Variants in PLAAT3 observed in about 807,000 individuals in gnomAD.
PLAAT3 encodes Ca-independent phospholipase A1/2.
PLAAT3 carries 21 observed loss-of-function variants against 16.7 expected under a neutral mutation model. The observed-to-expected ratio is 1.26, with a 90% CI of 0.89 to 1.81. The LOEUF (loss-of-function observed/expected upper bound fraction) is 1.81, where lower values mean the gene tolerates loss of function less well. Among genes scored for constraint, PLAAT3 ranks in the 40% most tolerant of loss-of-function variants. The pLI is 0.00. For missense variants in PLAAT3, 219 were observed against 213.7 expected (o/e 1.02, Z -0.16); for synonymous variants, 76 against 81.7 (o/e 0.93, Z 0.38).
At chr11:63,576,766 C>G (rs1217563323) in intron 4 of PLAAT3, among the ~76,000 whole-genome samples, 1 of 152,106 alleles carries the variant, frequency 6.6e-6, no homozygotes, top group African/African-American at 2.4e-5. Context: ...CTTTCCTAAC[C>G]TATGAAGTTG....
intron 4 of PLAAT3, among the ~76,000 whole-genome samples, chr11:63,588,079 A>AT (rs1299647387): frequency 6.6e-6 from 1 of 151,106 alleles, no homozygotes; most frequent in Non-Finnish European, 1.5e-5. Context: ...AATAAAAAAA[A>AT]TTTTTTTTGA....
intron 3 of PLAAT3, among the ~76,000 whole-genome samples, chr11:63,590,908 G>A (rs558798414): frequency 1.3e-5 from 2 of 152,320 alleles, no homozygotes; most frequent in East Asian, 3.9e-4. Flanking sequence ...AAGGCCCAGG[G>A]CAAGGAAGGG....
rs1278674229 is a variant in PLAAT3, at chr11:63,607,508, T to TAAC, written c.15+6491_15+6492insGTT. Among the ~76,000 whole-genome samples the TAAC allele has an allele frequency of 6.6e-5, 10 of 151,302 alleles. No homozygotes were observed. In the South Asian group the frequency reaches 1.7e-3, roughly 25 times the overall value. ...GACCCCATCTCTAAAATTTAAAAAA[T>TAAC]AATAATAATAATAATAAAGAAAAGA... On this transcript the variant is annotated intron_variant, in intron 2 of 4. Transcript: ENST00000415826.
chr11:63,588,162 C>A (rs758606884), intron 4 of PLAAT3, among the ~76,000 whole-genome samples: 1 of 151,040 alleles, frequency 6.6e-6, no homozygotes, highest in African/African-American at 2.4e-5. Context: ...CTCTGCCTCC[C>A]GGATTCAAGT....
rs67821162 is a variant in PLAAT3, at chr11:63,603,703, TACACACACACAC to T, written c.16-5552_16-5541del. On this transcript the variant is annotated intron_variant, in intron 2 of 4. Transcript: ENST00000415826. ...AAAGGGCTAGTTAAGTAAATTATCC[TACACACACACAC>T]ACACACACACACACACACACACACA... 5.7e-3 allele frequency among the ~76,000 whole-genome samples: 663 copies of T among 117,034 alleles called. 4 individuals carry two copies. The highest frequency in any genetic ancestry group is 6.5e-3 in the East Asian group (25 of 3,818). 76.8% of individuals were successfully genotyped at this position (117,034 alleles called of 152,430 possible).
intron 2 of PLAAT3, among the ~76,000 whole-genome samples, chr11:63,603,889 T>C (rs1938495251): frequency 6.6e-6 from 1 of 152,204 alleles, no homozygotes; most frequent in South Asian, 2.1e-4. Flanking sequence ...CAGTGGCTCA[T>C]GCCTGTAATC....
At chr11:63,608,153 G>A (rs544638488) in intron 2 of PLAAT3, among the ~76,000 whole-genome samples, 2 of 152,362 alleles carry the variant, frequency 1.3e-5, no homozygotes, top group South Asian at 2.1e-4. Context: ...CTGCACTCCA[G>A]CCTGGGCGAC....
chr11:63,615,032 G>A (rs1273739544), upstream of PLAAT3, among the ~76,000 whole-genome samples: 22,772 of 30,180 alleles, frequency 0.75, 10,162 homozygotes, highest in Non-Finnish European at 0.99. Context: ...ATATATGTGT[G>A]TATATATATG....
At chr11:63,613,458 A>C (rs1429366627) in intron 2 of PLAAT3, among the ~76,000 whole-genome samples, 3 of 152,096 alleles carry the variant, frequency 2.0e-5, no homozygotes, top group Non-Finnish European at 4.4e-5. Context: ...CAAAACCTTC[A>C]CTCTGGGAAA....
At chr11:63,575,140 A>G (rs910416874) in intron 4 of PLAAT3, 94 bp from the exon 5 acceptor site, 91 of 831,984 alleles carry the variant, frequency 1.1e-4, no homozygotes, top group Non-Finnish European at 1.7e-4. Context: ...GATACCTCAC[A>G]TGCCCCTTGG....
chr11:63,603,751 CACAGACAG>C (rs1200603589), intron 2 of PLAAT3, among the ~76,000 whole-genome samples: 8 of 34,512 alleles, frequency 2.3e-4, no homozygotes, highest in African/African-American at 6.0e-4. Flanking sequence ...CACACACACA[CACAGACAG>C]AGATATTAGA....
chr11:63,589,853 T>C (rs1186803475), intron 4 of PLAAT3, among the ~76,000 whole-genome samples: 2 of 152,132 alleles, frequency 1.3e-5, no homozygotes, highest in East Asian at 3.9e-4. Flanking sequence ...GCAATGGGAA[T>C]GATCATCATG....
At chr11:63,607,060 A>C (rs1249670258) in intron 2 of PLAAT3, among the ~76,000 whole-genome samples, 1 of 152,116 alleles carries the variant, frequency 6.6e-6, no homozygotes, top group Admixed American at 6.6e-5. Context: ...TGGATGCTGG[A>C]TCTCCTTTGA....
chr11:63,601,505 A>G (rs1938429517), intron 2 of PLAAT3, among the ~76,000 whole-genome samples: 1 of 151,732 alleles, frequency 6.6e-6, no homozygotes, highest in Admixed American at 6.6e-5. Flanking sequence ...ACATAATCTC[A>G]CTCAAGACAA....
chr11:63,582,018 T>C (rs924991637), intron 4 of PLAAT3, among the ~76,000 whole-genome samples: 6 of 152,220 alleles, frequency 3.9e-5, no homozygotes, highest in Non-Finnish European at 7.3e-5. Flanking sequence ...CCCACAGAAC[T>C]GTTGATAATA....
chr11:63,614,151 C>A (rs1041819022), intron 1 of PLAAT3, 83 bp from the exon 2 acceptor site: 1 of 1,242,672 alleles, frequency 8.0e-7, no homozygotes, highest in Non-Finnish European at 1.2e-6. Context: ...TTCTGTTGGG[C>A]AGGGCGTGAG....
intron 4 of PLAAT3, among the ~76,000 whole-genome samples, chr11:63,584,307 G>A (rs1384336819): frequency 2.1e-5 from 3 of 143,398 alleles, no homozygotes; most frequent in Non-Finnish European, 3.0e-5. Context: ...TTTTTTTTAA[G>A]TACTGTTCAG....
chr11:63,604,708 A>T (rs1938514111), intron 2 of PLAAT3, among the ~76,000 whole-genome samples: 1 of 152,078 alleles, frequency 6.6e-6, no homozygotes, highest in African/African-American at 2.4e-5. Flanking sequence ...GCTTGCAGTG[A>T]GCCCAGATGA....
intron 2 of PLAAT3, among the ~76,000 whole-genome samples, chr11:63,607,408 T>C (rs1433195963): frequency 6.6e-6 from 1 of 151,958 alleles, no homozygotes; most frequent in East Asian, 1.9e-4. Context: ...GTGCCTGTAG[T>C]CCCAGCTACT....
Sources: gnomAD v4.1 joint callset for allele counts (sites outside exome capture counted in the v4.1 genomes callset) on GRCh38, gnomAD v4.1.1 for gene constraint, MANE v1.5 for transcripts, NCBI Gene and HGNC (gene_info 2026-07-23, HGNC 2026-07-21) for gene names.